TRPC4: variants seen among roughly 807,000 people sequenced by gnomAD.
TRPC4 encodes short transient receptor potential channel 4.
Under a neutral mutation model 99.4 loss-of-function variants are expected in TRPC4, and 49 were observed. The ratio of observed to expected loss-of-function variants is 0.49; its 90% confidence interval spans 0.39 to 0.63. The LOEUF is 0.63. TRPC4 is among the 20% of genes least tolerant of loss of function. TRPC4 has a pLI of 0.00. For synonymous variants in TRPC4, 454 were observed against 425.9 expected, an observed-to-expected ratio of 1.07 and a Z score of -0.81; for missense variants, 898 against 1,152.9, an observed-to-expected ratio of 0.78 and a Z score of 3.20.
chr13:37,868,502 T>C (rs912730335), intron 1 of TRPC4, among the ~76,000 whole-genome samples: 1 of 152,172 alleles, frequency 6.6e-6, no homozygotes, highest in Admixed American at 6.5e-5. Context: ...AACCCTCCAG[T>C]AAACCTTTTG....
At chr13:37,740,549 T>C (rs1475296725) in intron 3 of TRPC4, among the ~76,000 whole-genome samples, 4 of 152,180 alleles carry the variant, frequency 2.6e-5, no homozygotes, top group African/African-American at 9.7e-5. Context: ...GTCTGCTCTA[T>C]TTGTTATTTA....
At chr13:37,647,451 G>T (rs1205224332) in intron 8 of TRPC4, among the ~76,000 whole-genome samples, 1 of 152,184 alleles carries the variant, frequency 6.6e-6, no homozygotes. Flanking sequence ...GATAGGATCT[G>T]CAAAGGCTGC....
At chr13:37,771,500 T>C (rs776606844) in intron 2 of TRPC4, among the ~76,000 whole-genome samples, 2 of 151,696 alleles carry the variant, frequency 1.3e-5, no homozygotes, top group Admixed American at 6.6e-5. Context: ...AAACTATCTA[T>C]GATTTTAAGA....
At chr13:37,675,412 G>A (rs961351456) in intron 4 of TRPC4, among the ~76,000 whole-genome samples, 6 of 152,108 alleles carry the variant, frequency 3.9e-5, no homozygotes, top group East Asian at 1.9e-4. Context: ...CAAGAGACTC[G>A]GCTGACTGTG....
chr13:37,731,994 G>T (rs1305890435), intron 3 of TRPC4, among the ~76,000 whole-genome samples: 1 of 152,004 alleles, frequency 6.6e-6, no homozygotes, highest in Non-Finnish European at 1.5e-5. Context: ...TAGAAGAACT[G>T]CCATCAAGGT....
intron 6 of TRPC4, among the ~76,000 whole-genome samples, chr13:37,655,585 G>A (rs1440247342): frequency 6.6e-6 from 1 of 151,686 alleles, no homozygotes; most frequent in Non-Finnish European, 1.5e-5. Flanking sequence ...AGTTAAGAAT[G>A]GTTTTCACTT....
intron 3 of TRPC4, among the ~76,000 whole-genome samples, chr13:37,695,429 C>G (rs1025697124): frequency 3.3e-5 from 5 of 152,194 alleles, no homozygotes; most frequent in Non-Finnish European, 2.9e-5. Context: ...CCTACAGCCC[C>G]CCTCCTACTC....
chr13:37,712,691 T>G (rs1954524412), intron 3 of TRPC4, among the ~76,000 whole-genome samples: 2 of 152,090 alleles, frequency 1.3e-5, no homozygotes, highest in Admixed American at 1.3e-4. Context: ...TGGATTGGCT[T>G]GAGAGAGGTT....
chr13:37,639,443 T>G (rs1008814052), intron 8 of TRPC4, 144 bp from the exon 9 acceptor site: 1 of 733,230 alleles, frequency 1.4e-6, no homozygotes, highest in Non-Finnish European at 2.2e-6. Flanking sequence ...GGCTAAAGAG[T>G]GCTGCACATG....
At chr13:37,722,950 G>T (rs966618867) in intron 3 of TRPC4, among the ~76,000 whole-genome samples, 5 of 152,142 alleles carry the variant, frequency 3.3e-5, no homozygotes, top group Admixed American at 1.3e-4. Context: ...AGGTAATATA[G>T]GTGTACACAG....
At position 37,746,114 on chromosome 13, in the gene TRPC4, C is replaced by T. The variant is rs769495589; in HGVS notation, c.720G>A (p.Glu240=). ...TGCACTGCCGTGACAGCTCTTCATACTCCGACTTGAATTCATTTTCCACCT... is the reference window on the plus strand; with the variant it reads ...TGCACTGCCGTGACAGCTCTTCATATTCCGACTTGAATTCATTTTCCACCT... ...LSKVENEFKS[E]YEELSRQCKQ... is the part of the protein sequence containing the mutation. The change falls in exon 3 of 11, where the codon GAG becomes GAA. Residue 240 remains glutamate (E), a synonymous_variant. Transcript: ENST00000379705. The T allele has an allele frequency of 6.2e-7, 1 of 1,613,914 alleles. No homozygotes were observed. Among genetic ancestry groups the T allele is most frequent in the Non-Finnish European group, 8.5e-7 (1 of 1,179,884 alleles).
chr13:37,652,963 C>T (rs190544109), intron 7 of TRPC4, among the ~76,000 whole-genome samples: 5 of 152,186 alleles, frequency 3.3e-5, no homozygotes, highest in Admixed American at 2.6e-4. Context: ...CTAGATCCAC[C>T]TTCCACTACT....
At chr13:37,716,414 A>G (rs946744280) in intron 3 of TRPC4, among the ~76,000 whole-genome samples, 1 of 152,212 alleles carries the variant, frequency 6.6e-6, no homozygotes, top group Middle Eastern at 3.2e-3. Flanking sequence ...TCTATTTCAT[A>G]CCAACTGTTC....
chr13:37,806,578 A>T (rs768041805), intron 1 of TRPC4, among the ~76,000 whole-genome samples: 20 of 152,072 alleles, frequency 1.3e-4, no homozygotes, highest in Non-Finnish European at 2.8e-4. Flanking sequence ...GTAGAACTCA[A>T]ATAATCACTA....
rs1187599740 is a variant in TRPC4, at chr13:37,662,166, C to T, written c.1688+1250G>A. Among the ~76,000 whole-genome samples, 5 of 151,854 alleles carry T rather than the reference C, an allele frequency of 3.3e-5. No homozygotes were observed. In the East Asian group the frequency reaches 5.8e-4, roughly 18 times the overall value. On this transcript the variant is annotated intron_variant, in intron 6 of 10. Transcript: ENST00000379705. Reference sequence around the variant, plus strand: ...CTCTACTAAAAATACAAAAATTAGCCGGGCGTGGTGGTGGGTGCCTGTAGC... The same window carrying T: ...CTCTACTAAAAATACAAAAATTAGCTGGGCGTGGTGGTGGGTGCCTGTAGC...
intron 2 of TRPC4, among the ~76,000 whole-genome samples, chr13:37,754,857 A>T (rs748362854): frequency 1.2e-4 from 18 of 152,184 alleles, no homozygotes; most frequent in Non-Finnish European, 1.9e-4. Context: ...CCATTAACTT[A>T]TAACTGATTG....
chr13:37,688,016 A>T (rs1219747696), intron 4 of TRPC4, among the ~76,000 whole-genome samples: 1 of 152,206 alleles, frequency 6.6e-6, no homozygotes. Flanking sequence ...CACAATGACA[A>T]GCATCATAAG....
At chr13:37,706,181 T>G (rs1461821454) in intron 3 of TRPC4, among the ~76,000 whole-genome samples, 1 of 152,206 alleles carries the variant, frequency 6.6e-6, no homozygotes, top group East Asian at 1.9e-4. Flanking sequence ...AATGGCTATT[T>G]ACTCAATTGG....
chr13:37,816,160 T>C lies in TRPC4; in HGVS notation c.-27-32800A>G, dbSNP rs563709229. On this transcript the variant is annotated intron_variant, in intron 1 of 10. Transcript: ENST00000379705. ...AGCACACATCAAAACGTTAGAAATA[T>C]GTCGAATTCATGGAAGGGCATTATA... Among the ~76,000 whole-genome samples, 236 of 151,770 alleles carry C rather than the reference T, an allele frequency of 1.6e-3. 1 individual carries two copies. The highest frequency in any genetic ancestry group is 6.8e-3 in the Middle Eastern group (2 of 294).
Sources: allele counts gnomAD v4.1 joint callset (sites outside exome capture counted in the v4.1 genomes callset), GRCh38; gene constraint gnomAD v4.1.1; transcripts MANE v1.5; gene names NCBI Gene and HGNC (gene_info 2026-07-23, HGNC 2026-07-21).